The following ULK2 variants were observed in gnomAD, a reference collection of about 807,000 sequenced individuals.
ULK2 encodes unc-51 like autophagy activating kinase 2.
Under a neutral mutation model 127.5 loss-of-function variants are expected in ULK2, and 76 were observed. The ratio of observed to expected loss-of-function variants is 0.60; its 90% CI spans 0.50 to 0.72. ULK2 has a LOEUF of 0.72. Ranked by LOEUF, ULK2 falls within the 30% of genes least tolerant of loss-of-function variation. The pLI is 0.00. For synonymous variants in ULK2, 452 were observed against 461.9 expected (o/e 0.98, Z 0.28); for missense variants, 1,144 against 1,295.9 (o/e 0.88, Z 1.80).
chr17:19,866,039 C>T (rs1294405231), intron 1 of ULK2, among the ~76,000 whole-genome samples: 1 of 152,062 alleles, frequency 6.6e-6, no homozygotes, highest in African/African-American at 2.4e-5. Context: ...ATATGAAGTC[C>T]ACATGGTAAC....
intron 20 of ULK2, among the ~76,000 whole-genome samples, chr17:19,788,939 A>G (rs1389645404): frequency 6.6e-6 from 1 of 152,220 alleles, no homozygotes; most frequent in Non-Finnish European, 1.5e-5. Flanking sequence ...AATACCAGGT[A>G]GATTTCTAAG....
At chr17:19,786,163 C>T (rs994951815) in intron 20 of ULK2, 77 bp from the exon 21 acceptor site, 8 of 1,408,080 alleles carry the variant, frequency 5.7e-6, no homozygotes, top group Non-Finnish European at 6.6e-6. Context: ...CAGGGGGATA[C>T]TGACTTTTAT....
chr17:19,782,119 T>G lies in ULK2; in HGVS notation c.2461-52A>C, dbSNP rs762923785. ...AAATTTCAGATTAAAAATACGTACA[T>G]ACTCATTTCTGTACATAAACCATGG... On this transcript the variant is annotated intron_variant, in intron 22 of 26. Coordinates refer to ENST00000395544, the MANE Select transcript of ULK2 (RefSeq NM_014683.4). 7 of 1,538,170 alleles carry G rather than the reference T, an allele frequency of 4.6e-6. No homozygotes were observed. The Admixed American group carries it at 8.8e-5, about 19-fold the overall frequency.
At chr17:19,777,073 G>C (rs2086824994) in intron 26 of ULK2, among the ~76,000 whole-genome samples, 2 of 152,054 alleles carry the variant, frequency 1.3e-5, no homozygotes, top group African/African-American at 4.8e-5. Context: ...ATGTATCTAT[G>C]TATGTATCTA....
chr17:19,821,571 T>C (rs1201105881), intron 12 of ULK2, among the ~76,000 whole-genome samples: 2 of 152,158 alleles, frequency 1.3e-5, no homozygotes, highest in African/African-American at 2.4e-5. Context: ...AGGGGAAGCA[T>C]GTATGAAATC....
intron 20 of ULK2, among the ~76,000 whole-genome samples, chr17:19,793,974 C>T (rs1420954934): frequency 1.3e-5 from 2 of 152,016 alleles, no homozygotes; most frequent in Admixed American, 1.3e-4. Flanking sequence ...AAAAAGTGGA[C>T]AACATGCAAG....
At chr17:19,834,359 T>G (rs2041538433) in intron 10 of ULK2, among the ~76,000 whole-genome samples, 1 of 152,130 alleles carries the variant, frequency 6.6e-6, no homozygotes, top group Non-Finnish European at 1.5e-5. Flanking sequence ...TATATATTTT[T>G]CTCTTAGCCG....
At chr17:19,810,923 A>AT (rs1342899982) in intron 13 of ULK2, 3 of 152,522 alleles carry the variant, frequency 2.0e-5, no homozygotes, top group African/African-American at 4.8e-5. Context: ...ATCCTCCTGC[A>AT]TAACACTCTC....
At chr17:19,851,726 T>C (rs2042020374) in intron 3 of ULK2, among the ~76,000 whole-genome samples, 1 of 151,854 alleles carries the variant, frequency 6.6e-6, no homozygotes, top group African/African-American at 2.4e-5. Context: ...TAGAGAGGTA[T>C]AAGAAGAGGG....
chr17:19,777,845 A>G, intron 25 of ULK2, 129 bp from the exon 26 acceptor site: 1 of 1,105,502 alleles, frequency 9.0e-7, no homozygotes. Context: ...ACAGTCTGCA[A>G]AACTACATAA....
rs1327259542 is a variant in ULK2, at chr17:19,867,708, G to GCCGTCA, written c.-297_-292dup. 5.3e-6 allele frequency: 1 copy of GCCGTCA among 186,930 alleles called. No homozygotes were observed. The highest frequency in any genetic ancestry group is 1.1e-5 in the Non-Finnish European group (1 of 91,814). 11.6% of individuals were successfully genotyped at this position (186,930 alleles called of 1,614,324 possible). A position where few individuals can be genotyped will look rare whatever the true frequency, so the allele number is the denominator to read the frequency against. Reference sequence around the variant, plus strand: ...GCCTCGGCGCTGCCGGGCCAGGGGTGCCGTCACCGTCACTGTGCGCGCCCA... The same window carrying GCCGTCA: ...GCCTCGGCGCTGCCGGGCCAGGGGTGCCGTCACCGTCACCGTCACTGTGCGCGCCCA... On this transcript the variant is annotated 5_prime_UTR_variant, in exon 1 of 27. Coordinates refer to ENST00000395544, the MANE Select transcript of ULK2 (RefSeq NM_014683.4).
At chr17:19,851,167 A>C (rs1025202820) in intron 3 of ULK2, among the ~76,000 whole-genome samples, 1 of 149,282 alleles carries the variant, frequency 6.7e-6, no homozygotes, top group African/African-American at 2.5e-5. Flanking sequence ...ACCAAAAAAA[A>C]AAAAAAAAAA....
intron 25 of ULK2, among the ~76,000 whole-genome samples, chr17:19,778,224 G>A (rs2086848761): frequency 1.3e-5 from 2 of 152,240 alleles, no homozygotes; most frequent in Non-Finnish European, 2.9e-5. Context: ...TACAATGAAG[G>A]AGAGCTTGCA....
intron 12 of ULK2, among the ~76,000 whole-genome samples, chr17:19,820,599 G>T (rs1327387051): frequency 6.6e-6 from 1 of 152,168 alleles, no homozygotes; most frequent in Non-Finnish European, 1.5e-5. Flanking sequence ...TGGCTGGTGT[G>T]AATAAGAAAA....
At chr17:19,804,489 T>C (rs978483024) in intron 15 of ULK2, among the ~76,000 whole-genome samples, 1 of 151,858 alleles carries the variant, frequency 6.6e-6, no homozygotes, top group Non-Finnish European at 1.5e-5. Context: ...TACAAATATA[T>C]ACATATCATA....
At position 19,843,175 on chromosome 17, in the gene ULK2, C is replaced by G; in HGVS notation, c.591G>C (p.Leu197Phe). 1 of 1,605,282 alleles carries G rather than the reference C, an allele frequency of 6.2e-7. No individual in the cohort carries two copies. Among genetic ancestry groups the G allele is most frequent in the Non-Finnish European group, 8.5e-7 (1 of 1,177,786 alleles). ...GGTATATCACTGTTCCTATGCTCCA[C>G]AAGTCAGCCTTAGCATCATAATGTT... ...MSQHYDAKAD[L>F]WSIGTVIYQC... Residue 197 changes from leucine (L) to phenylalanine (F), a missense_variant, in exon 8 of 27, where the codon TTG becomes TTC. Physicochemically the swap from Leu to Phe is conservative, Grantham distance 22. Around this residue, in one of 2 missense-constraint regions of ULK2, gnomAD observed 231 missense variants for 325.4 expected, o/e 0.71. Transcript: ENST00000395544.
intron 12 of ULK2, among the ~76,000 whole-genome samples, chr17:19,819,956 G>A (rs1270106518): frequency 1.3e-5 from 2 of 151,950 alleles, no homozygotes; most frequent in African/African-American, 4.8e-5. Flanking sequence ...CTCCAACCTA[G>A]TCCTCCACCC....
intron 20 of ULK2, among the ~76,000 whole-genome samples, chr17:19,794,908 C>G (rs1260579584): frequency 1.3e-5 from 2 of 151,972 alleles, no homozygotes; most frequent in African/African-American, 4.8e-5. Context: ...GAAACCCTGT[C>G]TCTACTAAAA....
intron 1 of ULK2, among the ~76,000 whole-genome samples, chr17:19,867,124 G>A (rs536335311): frequency 1.3e-5 from 2 of 152,152 alleles, no homozygotes; most frequent in Admixed American, 1.3e-4. Flanking sequence ...GCAGCCGGTC[G>A]GTAGGCGGAG....
Sources: gnomAD v4.1 joint callset for allele counts (sites outside exome capture counted in the v4.1 genomes callset) on GRCh38, gnomAD v4.1.1 for gene constraint, gnomAD v4.1.1 regional missense constraint, MANE v1.5 for transcripts, NCBI Gene and HGNC (gene_info 2026-07-23, HGNC 2026-07-21) for gene names.